TSGA10: variants seen among roughly 807,000 people sequenced by gnomAD.
TSGA10 encodes testis specific 10.
In TSGA10, 43 loss-of-function variants were observed where a neutral mutation model predicts 96.6. That is an observed-to-expected ratio of 0.44 (90% CI 0.35 to 0.57). The LOEUF is 0.57. Among genes scored for constraint, TSGA10 ranks in the 20% least tolerant of loss-of-function variants. The pLI is 0.01. For missense variants in TSGA10, 703 were observed against 834.4 expected (o/e 0.84, Z 1.94); for synonymous variants, 229 against 269.9 (o/e 0.85, Z 1.48).
At chr2:99,087,837 C>CA (rs1408917169) in intron 10 of TSGA10, among the ~76,000 whole-genome samples, 1 of 151,844 alleles carries the variant, frequency 6.6e-6, no homozygotes, top group Admixed American at 6.6e-5. Context: ...AACCACCAAG[C>CA]AAAAAAATGA....
intron 15 of TSGA10, 140 bp downstream of exon 15, chr2:99,068,748 T>C (rs2085563078): frequency 2.5e-6 from 1 of 403,240 alleles, no homozygotes; most frequent in Admixed American, 4.5e-5. Flanking sequence ...AATATGTAGT[T>C]AACCCACCAT....
chr2:99,106,001 T>C (rs2091301046), intron 7 of TSGA10, among the ~76,000 whole-genome samples: 1 of 152,326 alleles, frequency 6.6e-6, no homozygotes, highest in Non-Finnish European at 1.5e-5. Context: ...CATTTTGTAG[T>C]GTAAATTTAA....
At chr2:99,034,763 T>C (rs2081471241) in intron 17 of TSGA10, among the ~76,000 whole-genome samples, 4 of 152,122 alleles carry the variant, frequency 2.6e-5, no homozygotes. Flanking sequence ...ATTATTTGTA[T>C]GTCAATGGGA....
intron 2 of TSGA10, 108 bp downstream of exon 2, chr2:99,126,940 C>A: frequency 9.7e-7 from 1 of 1,026,088 alleles, no homozygotes; most frequent in Non-Finnish European, 1.3e-6. Flanking sequence ...AGACCCATAA[C>A]ATTTAAATGA....
chr2:99,130,546 T>C (rs919489258), intron 1 of TSGA10, among the ~76,000 whole-genome samples: 4 of 152,224 alleles, frequency 2.6e-5, no homozygotes. Context: ...GATGGGTAGA[T>C]TGCAAATATT....
At chr2:99,082,487 T>C (rs1199147705) in intron 10 of TSGA10, among the ~76,000 whole-genome samples, 1 of 152,172 alleles carries the variant, frequency 6.6e-6, no homozygotes, top group African/African-American at 2.4e-5. Context: ...GGACTCTTAA[T>C]TCGTCTCAAA....
intron 1 of TSGA10, chr2:99,150,696 A>G: frequency 6.2e-7 from 1 of 1,614,130 alleles, no homozygotes; most frequent in Non-Finnish European, 8.5e-7. Context: ...ACACCAAGAA[A>G]ATAAGATTAG....
intron 1 of TSGA10, among the ~76,000 whole-genome samples, chr2:99,151,642 A>C (rs557862723): frequency 5.9e-5 from 9 of 152,226 alleles, no homozygotes; most frequent in Non-Finnish European, 1.3e-4. Flanking sequence ...ACTGCAAAAG[A>C]CCAATAAATT....
chr2:99,035,147 C>T, intron 17 of TSGA10, 83 bp downstream of exon 17: 1 of 973,756 alleles, frequency 1.0e-6, no homozygotes, highest in Non-Finnish European at 1.5e-6. Flanking sequence ...TGTAATATTA[C>T]ATAAAAAAGA....
chr2:99,074,351 C>CATGTGTGTGTGT (rs1553462713), intron 12 of TSGA10, among the ~76,000 whole-genome samples: 4 of 145,038 alleles, frequency 2.8e-5, no homozygotes, highest in Non-Finnish European at 4.5e-5. Context: ...CACATATTTG[C>CATGTGTGTGTGT]GTGTGTGTGT....
intron 20 of TSGA10, among the ~76,000 whole-genome samples, chr2:99,004,946 C>G (rs561550567): frequency 2.8e-4 from 42 of 152,274 alleles, no homozygotes; most frequent in South Asian, 1.7e-3. Context: ...TATCCACCAT[C>G]ATCAAGTGGG....
intron 4 of TSGA10, among the ~76,000 whole-genome samples, chr2:99,112,776 GGAGT>G (rs2091924569): frequency 2.7e-5 from 4 of 150,322 alleles, no homozygotes. Context: ...AGAAAGACAG[GGAGT>G]GTGTGCAGGG....
At chr2:99,017,493 C>T (rs2079611353) in intron 20 of TSGA10, among the ~76,000 whole-genome samples, 2 of 152,100 alleles carry the variant, frequency 1.3e-5, no homozygotes, top group Non-Finnish European at 2.9e-5. Flanking sequence ...GGGCCGGGCG[C>T]GGTGGCTCAC....
chr2:99,113,862 A>AT (rs2092019277), intron 4 of TSGA10, among the ~76,000 whole-genome samples: 5 of 152,022 alleles, frequency 3.3e-5, no homozygotes. Flanking sequence ...CTTGATAACA[A>AT]TTTCCTGAGA....
chr2:99,104,923 G>A (rs1196908712), intron 9 of TSGA10, among the ~76,000 whole-genome samples: 3 of 152,112 alleles, frequency 2.0e-5, no homozygotes, highest in East Asian at 1.9e-4. Flanking sequence ...TATCAAATCT[G>A]ATTAGGAAAA....
At chr2:99,143,084 C>G (rs937700303) in intron 1 of TSGA10, among the ~76,000 whole-genome samples, 1 of 150,674 alleles carries the variant, frequency 6.6e-6, no homozygotes, top group Admixed American at 6.6e-5. Flanking sequence ...TTCCTTCCCT[C>G]TGTGGAAACC....
intron 2 of TSGA10, among the ~76,000 whole-genome samples, chr2:99,124,443 A>G (rs1345708180): frequency 6.6e-6 from 1 of 152,148 alleles, no homozygotes; most frequent in Admixed American, 6.5e-5. Context: ...GAGTAGTTTT[A>G]GGTTTACAAA....
chr2:99,116,473 G>C (rs1244246912), intron 4 of TSGA10, among the ~76,000 whole-genome samples: 1 of 152,166 alleles, frequency 6.6e-6, no homozygotes, highest in African/African-American at 2.4e-5. Context: ...GAAAGTCACA[G>C]ATATCTGAGA....
At position 99,092,996 on chromosome 2, in the gene TSGA10, A is replaced by G. The variant is rs556900997; in HGVS notation, c.611+10971T>C. 1.2e-4 allele frequency among the ~76,000 whole-genome samples: 19 copies of G among 152,314 alleles called. No homozygotes were observed. In the South Asian group the frequency reaches 1.7e-3, roughly 13 times the overall value. On this transcript the variant is annotated intron_variant, in intron 10 of 20. Coordinates refer to ENST00000393483, the MANE Select transcript of TSGA10 (RefSeq NM_025244.4). ...ATATCTGATGAATATAGATGCAAAA[A>G]TCCTTAACAAAATACTAGCTAACCA...
Sources: gnomAD v4.1 joint callset for allele counts (sites outside exome capture counted in the v4.1 genomes callset) on GRCh38, gnomAD v4.1.1 for gene constraint, MANE v1.5 for transcripts, NCBI Gene and HGNC (gene_info 2026-07-23, HGNC 2026-07-21) for gene names.